The following ENKUR variants were observed in gnomAD, a reference collection of about 807,000 sequenced individuals.
ENKUR encodes enkurin, TRPC channel interacting protein, also known as enkurin.
In ENKUR, 19 loss-of-function variants were observed where a neutral mutation model predicts 27.6. The ratio of observed to expected loss-of-function variants is 0.69; its 90% CI spans 0.48 to 1.01. The LOEUF is 1.01. Among genes scored for constraint, ENKUR ranks in the 50% least tolerant of loss-of-function variants. ENKUR has a pLI of 0.00. For missense variants in ENKUR, 312 were observed against 310.5 expected (o/e 1.00, Z -0.04); for synonymous variants, 117 against 96.9 (o/e 1.21, Z -1.22).
chr10:24,990,756 T>G, intron 3 of ENKUR, 147 bp from the exon 4 acceptor site: 1 of 793,108 alleles, frequency 1.3e-6, no homozygotes, highest in South Asian at 2.4e-5. Context: ...TTCAGTGACT[T>G]TTTTCCCTCC....
chr10:25,037,339 C>A (rs527272615), intron 2 of ENKUR, among the ~76,000 whole-genome samples: 3 of 152,224 alleles, frequency 2.0e-5, no homozygotes, highest in East Asian at 3.9e-4. Context: ...AAGCAGTTGG[C>A]AGGTTCAAGA....
At position 24,999,432 on chromosome 10, in the gene ENKUR, C is replaced by A; in HGVS notation, c.192G>T (p.Lys64Asn). The A allele has an allele frequency of 6.2e-7, 1 of 1,611,562 alleles. No homozygotes were observed. Among genetic ancestry groups the A allele is most frequent in the Non-Finnish European group, 8.5e-7 (1 of 1,179,334 alleles). ...GTAGAGTTTTTTCCTTTGAATGTTT[C>A]TTTAGGAAATCCTTTGGAGAAGGTA... ...VEVPSPKDFL[K>N]KHSKEKTLPP... is the part of the protein sequence containing the mutation. The change falls in exon 2 of 6, where the codon AAG becomes AAT. Residue 64 changes from lysine to asparagine, a missense_variant. Coordinates refer to ENST00000331161, the MANE Select transcript of ENKUR (RefSeq NM_145010.4).
chr10:25,008,765 C>T lies in ENKUR; in HGVS notation c.77+7095G>A, dbSNP rs372977200. On this transcript the variant is annotated intron_variant, in intron 1 of 5. Transcript: ENST00000331161. The stretch of plus-strand genomic sequence containing the variant: ...GCCATCCCATTACTGGGTATATACC[C>T]AAAGGACCATAAATCATGCTGCTAT... Among the ~76,000 whole-genome samples the T allele has an allele frequency of 2.7e-3, 413 of 152,206 alleles. 1 individual carries two copies. The highest frequency in any genetic ancestry group is 7.7e-3 in the South Asian group (37 of 4,828).
At chr10:25,049,677 A>G (rs1396819492) in intron 2 of ENKUR, among the ~76,000 whole-genome samples, 1 of 151,626 alleles carries the variant, frequency 6.6e-6, no homozygotes, top group East Asian at 1.9e-4. Context: ...AATCTCAGCT[A>G]CTTGGGAGGC....
At chr10:25,034,646 A>C (rs1850981847) in intron 2 of ENKUR, among the ~76,000 whole-genome samples, 1 of 152,232 alleles carries the variant, frequency 6.6e-6, no homozygotes, top group African/African-American at 2.4e-5. Context: ...ACAACTGCCA[A>C]GTCAACATGG....
intron 2 of ENKUR, among the ~76,000 whole-genome samples, chr10:25,050,459 C>A (rs1327814420): frequency 1.3e-5 from 2 of 152,150 alleles, no homozygotes; most frequent in Non-Finnish European, 2.9e-5. Flanking sequence ...GGCAAGAGAG[C>A]ATGTGCAGGG....
intron 2 of ENKUR, among the ~76,000 whole-genome samples, chr10:24,997,807 T>TTATATATA (rs58973955): frequency 1.1e-4 from 16 of 144,958 alleles, no homozygotes; most frequent in African/African-American, 3.7e-4. Flanking sequence ...CACAAAGGAT[T>TTATATATA]TATATATATA....
chr10:25,025,472 T>A (rs775153263), intron 2 of ENKUR: 8 of 1,576,130 alleles, frequency 5.1e-6, no homozygotes, highest in Admixed American at 1.9e-5. Flanking sequence ...TCAGAGTAAA[T>A]TTTTTTTTCT....
intron 4 of ENKUR, among the ~76,000 whole-genome samples, chr10:24,986,497 C>T (rs1303183757): frequency 6.6e-6 from 1 of 152,222 alleles, no homozygotes; most frequent in Non-Finnish European, 1.5e-5. Flanking sequence ...TTCTATTTCT[C>T]CACAGCCTTT....
intron 2 of ENKUR, among the ~76,000 whole-genome samples, chr10:25,054,418 G>A (rs536591227): frequency 1.1e-4 from 16 of 152,138 alleles, no homozygotes; most frequent in East Asian, 5.8e-4. Flanking sequence ...GTGAAACTCC[G>A]TCTCAAATAA....
intron 2 of ENKUR, among the ~76,000 whole-genome samples, chr10:25,057,813 G>T (rs1246477177): frequency 1.3e-5 from 2 of 152,066 alleles, no homozygotes; most frequent in Non-Finnish European, 2.9e-5. Context: ...GAGTGACCCT[G>T]CCCAGGGAAT....
At chr10:25,005,809 G>A (rs1373088694) in intron 1 of ENKUR, among the ~76,000 whole-genome samples, 1 of 152,204 alleles carries the variant, frequency 6.6e-6, no homozygotes, top group Non-Finnish European at 1.5e-5. Flanking sequence ...ATGTCATTGA[G>A]TATAATGATG....
intron 3 of ENKUR, among the ~76,000 whole-genome samples, chr10:24,995,112 G>GT (rs1206870656): frequency 5.3e-5 from 8 of 152,246 alleles, no homozygotes; most frequent in African/African-American, 1.7e-4. Flanking sequence ...CTAGATTATT[G>GT]TACAGTACTT....
intron 1 of ENKUR, among the ~76,000 whole-genome samples, chr10:25,011,025 C>T (rs1251763179): frequency 1.9e-4 from 29 of 149,862 alleles, no homozygotes; most frequent in African/African-American, 7.0e-4. Context: ...GCCACACTGA[C>T]TTCCACAATG....
intron 2 of ENKUR, among the ~76,000 whole-genome samples, chr10:25,052,682 G>A (rs1423823139): frequency 2.0e-5 from 3 of 152,116 alleles, no homozygotes; most frequent in African/African-American, 4.8e-5. Context: ...TGAGGCAGGA[G>A]GATTGCTTTG....
chr10:24,991,897 C>A (rs2132677949), intron 3 of ENKUR, among the ~76,000 whole-genome samples: 1 of 152,302 alleles, frequency 6.6e-6, no homozygotes, highest in East Asian at 1.9e-4. Context: ...AAACATCGAC[C>A]CATAGACCCT....
rs759973324 is a variant in ENKUR, at chr10:24,984,355, G to A, written c.*15C>T. The A allele has an allele frequency of 3.3e-6, 5 of 1,532,126 alleles. No homozygotes were observed. The Admixed American group carries it at 5.4e-5, about 17-fold the overall frequency. 94.9% of individuals were successfully genotyped at this position (1,532,126 alleles called of 1,614,324 possible). Reference sequence around the variant, plus strand: ...TTCAAAATACTTAACAGTTTTCAAAGTTGTGCTGTTGGTATCATGCGCTGC... The same window carrying A: ...TTCAAAATACTTAACAGTTTTCAAAATTGTGCTGTTGGTATCATGCGCTGC... On this transcript the variant is annotated 3_prime_UTR_variant, in exon 6 of 6. Coordinates refer to ENST00000331161, the MANE Select transcript of ENKUR (RefSeq NM_145010.4).
At chr10:25,033,117 AAC>A (rs1354664962) in intron 2 of ENKUR, among the ~76,000 whole-genome samples, 8 of 152,148 alleles carry the variant, frequency 5.3e-5, no homozygotes, top group Non-Finnish European at 1.2e-4. Context: ...TTTTAGCAAA[AAC>A]AAACAAAAAT....
chr10:25,047,583 T>C (rs1444466721), intron 2 of ENKUR, among the ~76,000 whole-genome samples: 1 of 152,188 alleles, frequency 6.6e-6, no homozygotes, highest in Non-Finnish European at 1.5e-5. Flanking sequence ...GTATCAACAA[T>C]TAGAAACAAA....
Sources: allele counts gnomAD v4.1 joint callset (sites outside exome capture counted in the v4.1 genomes callset), GRCh38; gene constraint gnomAD v4.1.1; transcripts MANE v1.5; gene names NCBI Gene and HGNC (gene_info 2026-07-23, HGNC 2026-07-21).